Variants in PRIM2 observed in about 807,000 individuals in gnomAD.
The protein encoded by PRIM2 is DNA primase large subunit.
Under a neutral mutation model 67.3 loss-of-function variants are expected in PRIM2, and 39 were observed. That is an observed-to-expected ratio of 0.58 (90% CI 0.45 to 0.76). PRIM2 has a LOEUF of 0.76. PRIM2 is among the 30% of genes least tolerant of loss of function. PRIM2 has a pLI of 0.00. For missense variants in PRIM2, 398 were observed against 598.7 expected (o/e 0.66, Z 3.50); for synonymous variants, 143 against 198.7 (o/e 0.72, Z 2.36).
chr6:57,408,122 T>A (rs1770961718), intron 7 of PRIM2, among the ~76,000 whole-genome samples: 1 of 152,250 alleles, frequency 6.6e-6, no homozygotes, highest in Non-Finnish European at 1.5e-5. Context: ...AGCATAAATG[T>A]GCCAATCATT....
chr6:57,283,769 A>G, the PRIM2 span, among the ~76,000 whole-genome samples: 8,932 of 152,092 alleles, frequency 0.059, 595 homozygotes, highest in African/African-American at 0.16. Flanking sequence ...ATTGTCTTTT[A>G]TTGCCATGAA....
At position 57,606,367 on chromosome 6, in the gene PRIM2, G is replaced by A. The variant is rs1776562170; in HGVS notation, c.1148-8G>A. ...TTGTTTGTGTGCTGGCTTATTTTTT[G>A]TTGTCAGGGTGCCCATTCCGTCACA... is the stretch of plus-strand genomic sequence containing the variant. On this transcript the variant is annotated splice_polypyrimidine_tract_variant and splice_region_variant and intron_variant, in intron 11 of 13. Transcript: ENST00000615550. The A allele has an allele frequency of 1.9e-6, 3 of 1,586,310 alleles. No homozygotes were observed. The highest frequency in any genetic ancestry group is 2.7e-5 in the African/African-American group (2 of 74,338).
the PRIM2 span, among the ~76,000 whole-genome samples, chr6:57,269,636 T>G: frequency 1.3e-5 from 2 of 152,118 alleles, no homozygotes; most frequent in East Asian, 1.9e-4. Flanking sequence ...TTAGTTTAAT[T>G]AGATCCCATT....
intron 5 of PRIM2, among the ~76,000 whole-genome samples, chr6:57,348,542 T>A (rs1768752241): frequency 6.6e-6 from 1 of 152,122 alleles, no homozygotes; most frequent in East Asian, 1.9e-4. Context: ...GGATGGCTTG[T>A]TGGTTCAGTC....
At chr6:57,390,028 A>G (rs1173867181) in intron 7 of PRIM2, 1 of 154,728 alleles carries the variant, frequency 6.5e-6, no homozygotes, top group Non-Finnish European at 1.5e-5. Context: ...ATGCAAGCAT[A>G]ACATGCTTTC....
chr6:57,604,490 C>A (rs1310513834), intron 11 of PRIM2, among the ~76,000 whole-genome samples: 20 of 151,960 alleles, frequency 1.3e-4, no homozygotes, highest in African/African-American at 3.9e-4. Context: ...GGGTAGGACT[C>A]CCAGTAGTAT....
At chr6:57,540,022 T>C (rs1333281116) in intron 10 of PRIM2, among the ~76,000 whole-genome samples, 1 of 151,668 alleles carries the variant, frequency 6.6e-6, no homozygotes, top group African/African-American at 2.4e-5. Flanking sequence ...AAACTACACA[T>C]AATTTTAAAG....
chr6:57,427,778 C>A (rs1771680487), intron 7 of PRIM2, among the ~76,000 whole-genome samples: 3 of 152,064 alleles, frequency 2.0e-5, no homozygotes, highest in Non-Finnish European at 2.9e-5. Context: ...GTCAGGAATA[C>A]TTTCTGAGAT....
chr6:57,578,170 G>C (rs1177968485), intron 10 of PRIM2, among the ~76,000 whole-genome samples: 1 of 152,006 alleles, frequency 6.6e-6, no homozygotes, highest in Non-Finnish European at 1.5e-5. Context: ...TCCCTCTAAG[G>C]GCATGTGATA....
At chr6:57,340,628 T>C (rs12180921) in intron 5 of PRIM2, among the ~76,000 whole-genome samples, 19,168 of 151,840 alleles carry the variant, frequency 0.13, 1,326 homozygotes, top group African/African-American at 0.18. Context: ...ACACCACATA[T>C]TCTCACTCAT....
At chr6:57,513,002 T>C (rs1193004990) in intron 8 of PRIM2, among the ~76,000 whole-genome samples, 2 of 152,190 alleles carry the variant, frequency 1.3e-5, no homozygotes, top group African/African-American at 4.8e-5. Context: ...TTTTTCAAAA[T>C]TGATACCAGG....
chr6:57,338,271 C>G (rs1768333043), intron 5 of PRIM2, among the ~76,000 whole-genome samples: 1 of 152,088 alleles, frequency 6.6e-6, no homozygotes, highest in African/African-American at 2.4e-5. Context: ...CTGAATTCTA[C>G]CAGAGGTACA....
chr6:57,556,622 T>G (rs1775518404), intron 10 of PRIM2, among the ~76,000 whole-genome samples: 1 of 151,996 alleles, frequency 6.6e-6, no homozygotes, highest in South Asian at 2.1e-4. Flanking sequence ...TTACACCATA[T>G]AAAAAAATCA....
At chr6:57,497,017 G>T (rs1334219581) in intron 7 of PRIM2, among the ~76,000 whole-genome samples, 1 of 152,264 alleles carries the variant, frequency 6.6e-6, no homozygotes, top group African/African-American at 2.4e-5. Context: ...ATGGCCAAAT[G>T]TATGGGGCTA....
At chr6:57,272,271 G>C in the PRIM2 span, among the ~76,000 whole-genome samples, 1 of 152,060 alleles carries the variant, frequency 6.6e-6, no homozygotes, top group Non-Finnish European at 1.5e-5. Flanking sequence ...GTAAGTCTTT[G>C]TAGGTCACTA....
At chr6:57,500,556 G>A (rs1261042615) in intron 7 of PRIM2, among the ~76,000 whole-genome samples, 2 of 152,158 alleles carry the variant, frequency 1.3e-5, no homozygotes, top group Non-Finnish European at 2.9e-5. Flanking sequence ...TAAAAGCATA[G>A]GATTGCTTAT....
At chr6:57,374,260 G>T (rs9382714) in intron 5 of PRIM2, among the ~76,000 whole-genome samples, 1 of 141,572 alleles carries the variant, frequency 7.1e-6, no homozygotes, top group East Asian at 2.0e-4. Flanking sequence ...GCTATTGTTG[G>T]TGTATAGGAA....
intron 7 of PRIM2, among the ~76,000 whole-genome samples, chr6:57,388,988 T>G (rs562502275): frequency 6.6e-6 from 1 of 152,330 alleles, no homozygotes; most frequent in Non-Finnish European, 1.5e-5. Flanking sequence ...TTGATTTCAT[T>G]AAGCAGAGAA....
the PRIM2 span, among the ~76,000 whole-genome samples, chr6:57,275,326 A>T: frequency 6.6e-6 from 1 of 152,078 alleles, no homozygotes; most frequent in Non-Finnish European, 1.5e-5. Context: ...TCTCTACTAA[A>T]AATACAAAAC....
Sources: allele counts gnomAD v4.1 joint callset (sites outside exome capture counted in the v4.1 genomes callset), GRCh38; gene constraint gnomAD v4.1.1; transcripts MANE v1.5; gene names NCBI Gene and HGNC (gene_info 2026-07-23, HGNC 2026-07-21).